Variants in CTNNA2 observed in about 807,000 individuals in gnomAD.
CTNNA2 encodes the protein catenin alpha-2.
A neutral mutation model predicts 101.0 loss-of-function variants in CTNNA2; 42 were observed. That is an observed-to-expected ratio of 0.42 (90% CI 0.32 to 0.54). The LOEUF (loss-of-function observed/expected upper bound fraction) is 0.54, where lower values mean the gene tolerates loss of function less well. Among genes scored for constraint, CTNNA2 ranks in the 20% least tolerant of loss-of-function variants. CTNNA2 has a pLI of 0.14. For missense variants in CTNNA2, 871 were observed against 1,223.1 expected (o/e 0.71, Z 4.29); for synonymous variants, 450 against 456.4 (o/e 0.99, Z 0.18).
chr2:79,237,997 T>C (rs1674578704), intron 2 of CTNNA2, among the ~76,000 whole-genome samples: 1 of 152,234 alleles, frequency 6.6e-6, no homozygotes, highest in Non-Finnish European at 1.5e-5. Flanking sequence ...TTTGTGAACT[T>C]TTCCTTCGCA....
At chr2:80,454,210 T>C (rs72821991) in intron 9 of CTNNA2, among the ~76,000 whole-genome samples, 9 of 152,266 alleles carry the variant, frequency 5.9e-5, no homozygotes, top group Non-Finnish European at 1.0e-4. Flanking sequence ...TCTTTATCTA[T>C]GTCTGGAAAG....
chr2:80,341,309 C>T (rs1573773060), intron 7 of CTNNA2, among the ~76,000 whole-genome samples: 2 of 152,176 alleles, frequency 1.3e-5, no homozygotes, highest in East Asian at 3.9e-4. Context: ...GGCAAACAGC[C>T]CCCATGCTGA....
At chr2:79,683,215 A>G (rs193187061) in intron 2 of CTNNA2, among the ~76,000 whole-genome samples, 11 of 152,140 alleles carry the variant, frequency 7.2e-5, no homozygotes, top group Non-Finnish European at 1.3e-4. Flanking sequence ...CTGGTACAAG[A>G]GGTTAATGGG....
At chr2:79,879,919 T>A (rs2916504) in intron 6 of CTNNA2, among the ~76,000 whole-genome samples, 112,362 of 152,148 alleles carry the variant, frequency 0.74, 41,998 homozygotes, top group East Asian at 0.92. Flanking sequence ...GAATGCTTCT[T>A]GCTTTTGCCC....
intron 2 of CTNNA2, among the ~76,000 whole-genome samples, chr2:79,285,763 A>G (rs1675555365): frequency 6.9e-6 from 1 of 144,760 alleles, no homozygotes; most frequent in African/African-American, 2.7e-5. Flanking sequence ...GTAGATGTCT[A>G]TTAGGTCCAC....
Position 79,505,634 on chromosome 2 carries a change from G to A in CTNNA2, c.-6+452G>A, listed in dbSNP as rs1250296563. Among the ~76,000 whole-genome samples the A allele has an allele frequency of 2.6e-5, 4 of 152,282 alleles. No individual in the cohort carries two copies. In the East Asian group the frequency reaches 7.7e-4, roughly 29 times the overall value. On this transcript the variant is annotated intron_variant, in intron 5 of 21. Transcript: ENST00000466387. Reference sequence around the variant, plus strand: ...AATTTCTCAACCAATGCCTGTGGAAGTCCAGTTAGACAAGGTCGGCTCCTG... The same window carrying A: ...AATTTCTCAACCAATGCCTGTGGAAATCCAGTTAGACAAGGTCGGCTCCTG...
chr2:79,285,955 A>G (rs1281172835), intron 2 of CTNNA2, among the ~76,000 whole-genome samples: 7 of 148,346 alleles, frequency 4.7e-5, no homozygotes, highest in Non-Finnish European at 7.4e-5. Flanking sequence ...GGGTGCATAT[A>G]TATTTAGGAT....
At chr2:79,603,250 T>A (rs1430710533) in intron 1 of CTNNA2, among the ~76,000 whole-genome samples, 1 of 152,136 alleles carries the variant, frequency 6.6e-6, no homozygotes, top group Non-Finnish European at 1.5e-5. Flanking sequence ...TAAAAATTAA[T>A]TACAGATGAA....
chr2:80,495,450 T>A (rs1194535444), intron 9 of CTNNA2, among the ~76,000 whole-genome samples: 1 of 152,108 alleles, frequency 6.6e-6, no homozygotes, highest in African/African-American at 2.4e-5. Flanking sequence ...GTGGGCTATT[T>A]TAGGTTGAAT....
In CTNNA2 at chr2:79,977,149, A is replaced by G. The variant is rs530961412; in HGVS notation, c.1056+67352A>G. ...AATAATTGGGGGTAATTTATCCCTA[A>G]TTTATGTGAATCAATAAATGCATGA... On this transcript the variant is annotated intron_variant, in intron 7 of 18. Transcript: ENST00000402739. Among the ~76,000 whole-genome samples the G allele has an allele frequency of 3.4e-4, 51 of 151,994 alleles. 1 individual carries two copies. The highest frequency in any genetic ancestry group is 4.0e-4 in the Non-Finnish European group (27 of 67,922).
chr2:79,496,550 TA>T (rs1395736931), intron 4 of CTNNA2, among the ~76,000 whole-genome samples: 4 of 152,190 alleles, frequency 2.6e-5, no homozygotes, highest in East Asian at 1.9e-4. Flanking sequence ...GAGCCAATAT[TA>T]TTTTTTTTTG....
intron 7 of CTNNA2, among the ~76,000 whole-genome samples, chr2:79,921,611 T>C (rs2916525): frequency 0.33 from 50,405 of 152,038 alleles, 8,672 homozygotes; most frequent in East Asian, 0.49. Flanking sequence ...GGTCATTTTT[T>C]ATCCTTGGAA....
At chr2:79,981,201 A>G (rs942609384) in intron 7 of CTNNA2, among the ~76,000 whole-genome samples, 1 of 152,170 alleles carries the variant, frequency 6.6e-6, no homozygotes, top group African/African-American at 2.4e-5. Flanking sequence ...ACAGAGGGGA[A>G]AAAACAGGAC....
intron 2 of CTNNA2, among the ~76,000 whole-genome samples, chr2:79,233,441 A>C (rs1379300663): frequency 1.3e-5 from 2 of 152,174 alleles, no homozygotes; most frequent in Non-Finnish European, 2.9e-5. Context: ...TCAACTTTTT[A>C]AAATGTATTG....
chr2:79,448,797 C>T (rs549136228), intron 4 of CTNNA2, among the ~76,000 whole-genome samples: 40 of 152,066 alleles, frequency 2.6e-4, no homozygotes, highest in African/African-American at 9.6e-4. Context: ...GAGTTAATAC[C>T]AAAATGGTTC....
At chr2:79,846,287 C>G (rs1479527752) in intron 3 of CTNNA2, among the ~76,000 whole-genome samples, 1 of 152,136 alleles carries the variant, frequency 6.6e-6, no homozygotes, top group Non-Finnish European at 1.5e-5. Context: ...TTAGAAAAAG[C>G]TAGATTGACT....
At chr2:79,770,320 T>A (rs1263588165) in intron 3 of CTNNA2, among the ~76,000 whole-genome samples, 4 of 152,206 alleles carry the variant, frequency 2.6e-5, no homozygotes, top group Admixed American at 2.6e-4. Context: ...TATTATTTAG[T>A]TCATGGTCTC....
chr2:79,749,779 C>T (rs1014462029), intron 3 of CTNNA2, among the ~76,000 whole-genome samples: 2 of 152,106 alleles, frequency 1.3e-5, no homozygotes, highest in African/African-American at 4.8e-5. Flanking sequence ...ATTATTGTGT[C>T]TACCTAAATG....
At chr2:79,531,829 G>T (rs576834132) in intron 1 of CTNNA2, among the ~76,000 whole-genome samples, 1 of 151,836 alleles carries the variant, frequency 6.6e-6, no homozygotes, top group Non-Finnish European at 1.5e-5. Context: ...TTACAGGCGC[G>T]TGCCACAATG....
Sources: gnomAD v4.1 joint callset for allele counts (sites outside exome capture counted in the v4.1 genomes callset) on GRCh38, gnomAD v4.1.1 for gene constraint, MANE v1.5 for transcripts, NCBI Gene and HGNC (gene_info 2026-07-23, HGNC 2026-07-21) for gene names.